HSD17B4: variants seen among roughly 807,000 people sequenced by gnomAD.
HSD17B4 encodes the protein peroxisomal multifunctional enzyme type 2.
In HSD17B4, 70 loss-of-function variants were observed where a neutral mutation model predicts 101.0. The ratio of observed to expected loss-of-function variants is 0.69; its 90% CI spans 0.57 to 0.85. HSD17B4 has a LOEUF of 0.85. Ranked by LOEUF, HSD17B4 falls within the 40% of genes least tolerant of loss-of-function variation. The pLI is 0.00. For synonymous variants in HSD17B4, 347 were observed against 297.1 expected, an observed-to-expected ratio of 1.17 and a Z score of -1.73; for missense variants, 984 against 892.4, an observed-to-expected ratio of 1.10 and a Z score of -1.31.
intron 1 of HSD17B4, among the ~76,000 whole-genome samples, chr5:119,454,153 AATTT>A (rs1214634398): frequency 2.0e-5 from 3 of 152,192 alleles, no homozygotes; most frequent in African/African-American, 7.2e-5. Context: ...TGCATCCTGA[AATTT>A]ATTTTCTATT....
At chr5:119,489,123 A>T (rs993851169) in intron 8 of HSD17B4, 69 bp from the exon 9 acceptor site, 52 of 1,074,150 alleles carry the variant, frequency 4.8e-5, no homozygotes, top group Middle Eastern at 4.0e-4. Flanking sequence ...AATTACCTAT[A>T]ATTTTATAAG....
intron 8 of HSD17B4, among the ~76,000 whole-genome samples, chr5:119,484,521 T>TAA (rs1482139421): frequency 2.6e-5 from 4 of 152,190 alleles, no homozygotes; most frequent in African/African-American, 9.6e-5. Flanking sequence ...AATATATATA[T>TAA]AATAGTTGAC....
At chr5:119,490,809 C>T (rs1561455359) in intron 9 of HSD17B4, among the ~76,000 whole-genome samples, 2 of 152,166 alleles carry the variant, frequency 1.3e-5, no homozygotes, top group East Asian at 1.9e-4. Flanking sequence ...CTCAAATAAT[C>T]TGCCCGCCTT....
Position 119,506,848 on chromosome 5 carries a change from A to G in HSD17B4, c.1292A>G (p.Asp431Gly). The G allele has an allele frequency of 6.3e-7, 1 of 1,585,366 alleles. No individual in the cohort carries two copies. The change falls in exon 15 of 24, where the codon GAT (aspartate) becomes GGT (glycine). Residue 431 changes from aspartate (D) to glycine (G), a missense_variant. Asp to Gly is a moderately conservative substitution (Grantham distance 94). Transcript: ENST00000510025. ...TTAAAATGTGAAGCAGTTGTTGCTG[A>G]TGTCCTAGATAAAGGATCCGGTGTA... ...GKLKCEAVVA[D>G]VLDKGSGVVI...
intron 22 of HSD17B4, among the ~76,000 whole-genome samples, chr5:119,534,548 A>G (rs888582439): frequency 6.6e-6 from 1 of 152,084 alleles, no homozygotes; most frequent in Admixed American, 6.6e-5. Flanking sequence ...CCATGTGATC[A>G]TTAAAACCTC....
chr5:119,493,820 C>T lies in HSD17B4; in HGVS notation c.742C>T (p.Arg248Cys), dbSNP rs969485098. ...EVGAGWIGKL[R>C]WERTLGAIVR... is the part of the protein sequence containing the mutation. ...GTTAGTTTTGTTTCTATAACCAGTA[C>T]GCTGGGAGCGGACTCTTGGAGCTAT... The change falls in exon 11 of 24, where the codon CGC becomes TGC. Residue 248 changes from arginine to cysteine, a missense_variant and splice_region_variant. Physicochemically the swap from Arg to Cys is radical, Grantham distance 180 (BLOSUM62 -3). Coordinates refer to ENST00000510025, the MANE Select transcript of HSD17B4 (RefSeq NM_000414.4). 6 of 1,612,514 alleles carry T rather than the reference C, an allele frequency of 3.7e-6. No homozygotes were observed. The highest frequency in any genetic ancestry group is 1.7e-5 in the Admixed American group (1 of 59,912).
Position 119,478,914 on chromosome 5 carries a change from T to A in HSD17B4, c.515T>A (p.Leu172Gln), listed in dbSNP as rs1038445943. 5 of 1,613,622 alleles carry A rather than the reference T, an allele frequency of 3.1e-6. No homozygotes were observed. In the African/African-American group the frequency reaches 5.3e-5, roughly 17 times the overall value. Residue 172 changes from leucine to glutamine, a missense_variant, in exon 8 of 24, where the codon CTG becomes CAG. Coordinates refer to ENST00000510025, the MANE Select transcript of HSD17B4 (RefSeq NM_000414.4). The part of the protein sequence containing the change: ...ANYSAAKLGL[L>Q]GLANSLAIEG... ...TATAGTGCTGCAAAGTTGGGTCTTCTGGGCCTTGCAAATTCTCTTGCAATT... is the reference window on the plus strand; with the variant it reads ...TATAGTGCTGCAAAGTTGGGTCTTCAGGGCCTTGCAAATTCTCTTGCAATT...
At chr5:119,466,207 A>G (rs1176237255) in intron 2 of HSD17B4, among the ~76,000 whole-genome samples, 3 of 152,022 alleles carry the variant, frequency 2.0e-5, no homozygotes, top group Admixed American at 1.3e-4. Flanking sequence ...GTTTGCTAGT[A>G]TTTTGTTTAG....
intron 17 of HSD17B4, among the ~76,000 whole-genome samples, chr5:119,519,212 C>CA (rs1456555019): frequency 1.3e-5 from 2 of 152,102 alleles, no homozygotes; most frequent in African/African-American, 2.4e-5. Flanking sequence ...TATTAATAGA[C>CA]AGACAATTCC....
chr5:119,514,773 C>CA, intron 16 of HSD17B4, among the ~76,000 whole-genome samples: 1 of 152,054 alleles, frequency 6.6e-6, no homozygotes, highest in East Asian at 1.9e-4. Flanking sequence ...TTAGAAAGGT[C>CA]ATTTCAGGCA....
chr5:119,493,982 GAAT>G, intron 11 of HSD17B4, 36 bp downstream of exon 11: 1 of 1,609,906 alleles, frequency 6.2e-7, no homozygotes, highest in Non-Finnish European at 8.5e-7. Flanking sequence ...CCTGGTTGGG[GAAT>G]CAGAGGCAGC....
In HSD17B4 at chr5:119,478,879, C is replaced by T. The variant is rs778048565; in HGVS notation, c.480C>T (p.Gly160=). Reference sequence around the variant, plus strand: ...CTTCAGGAATATATGGCAACTTTGGCCAGGCCAATTATAGTGCTGCAAAGT... The same window carrying T: ...CTTCAGGAATATATGGCAACTTTGGTCAGGCCAATTATAGTGCTGCAAAGT... ...SSASGIYGNF[G]QANYSAAKLG... is the part of the protein sequence containing the mutation. Residue 160 remains glycine (G), a synonymous_variant, in exon 8 of 24, where the codon GGC becomes GGT. Transcript: ENST00000510025. The T allele has an allele frequency of 6.2e-7, 1 of 1,613,572 alleles. No individual in the cohort carries two copies. The highest frequency in any genetic ancestry group is 1.1e-5 in the South Asian group (1 of 91,074).
chr5:119,489,233 G>A lies in HSD17B4; in HGVS notation c.664G>A (p.Val222Ile), dbSNP rs780224937. 5 of 1,612,758 alleles carry A rather than the reference G, an allele frequency of 3.1e-6. No individual in the cohort carries two copies. The highest frequency in any genetic ancestry group is 4.5e-5 in the East Asian group (2 of 44,798). ...GAAGCCAGAGTATGTGGCACCTCTT[G>A]TCCTTTGGCTTTGTCACGAGAGTTG... Reference protein sequence around the residue: ...ALKPEYVAPLVLWLCHESCEE... With the variant: ...ALKPEYVAPLILWLCHESCEE... Residue 222 changes from valine (V) to isoleucine (I), a missense_variant, in exon 9 of 24, where the codon GTC (valine) becomes ATC (isoleucine). Coordinates refer to ENST00000510025, the MANE Select transcript of HSD17B4 (RefSeq NM_000414.4).
intron 23 of HSD17B4, among the ~76,000 whole-genome samples, chr5:119,541,634 G>A (rs1373341559): frequency 6.6e-6 from 1 of 152,068 alleles, no homozygotes; most frequent in Non-Finnish European, 1.5e-5. Flanking sequence ...AGCCAGAAAC[G>A]TAGGTTGAAA....
intron 10 of HSD17B4, chr5:119,492,403 A>G (rs1461820656): frequency 2.1e-5 from 9 of 418,972 alleles, no homozygotes; most frequent in Non-Finnish European, 3.0e-5. Flanking sequence ...TTCAGACAGC[A>G]TATATTGATA....
intron 22 of HSD17B4, chr5:119,536,217 A>G (rs1413623003): frequency 9.8e-6 from 5 of 510,648 alleles, no homozygotes; most frequent in South Asian, 2.1e-5. Context: ...CCACTTCTTT[A>G]CCTCAAATTT....
In HSD17B4 at chr5:119,509,157, GA is replaced by G. The variant is rs1751933402; in HGVS notation, c.1352del (p.Lys451ArgfsTer30). 6.3e-7 allele frequency: 1 copy of G among 1,584,524 alleles called. No individual in the cohort carries two copies. The highest frequency in any genetic ancestry group is 8.7e-7 in the Non-Finnish European group (1 of 1,153,338). On this transcript the variant is annotated frameshift_variant, in exon 16 of 24. Transcript: ENST00000510025. LOFTEE classifies it high-confidence loss of function. ...IIMDVYSYSE[K>X]ELICHNQFSL... ...ACTTTTCAGTCTATTCTTATTCTGA[GA>G]AGGAACTTATATGCCACAATCAGTT... is the stretch of plus-strand genomic sequence containing the variant.
At chr5:119,461,010 G>A (rs1394370299) in intron 2 of HSD17B4, among the ~76,000 whole-genome samples, 1 of 152,120 alleles carries the variant, frequency 6.6e-6, no homozygotes, top group African/African-American at 2.4e-5. Context: ...GGTCATAAGG[G>A]AGACAAAAGT....
chr5:119,472,019 T>C (rs1314471269), intron 2 of HSD17B4, among the ~76,000 whole-genome samples: 2 of 152,176 alleles, frequency 1.3e-5, no homozygotes, highest in Non-Finnish European at 2.9e-5. Context: ...AATATATAAT[T>C]GGATATAGGG....
Sources: gnomAD v4.1 joint callset for allele counts (sites outside exome capture counted in the v4.1 genomes callset) on GRCh38, gnomAD v4.1.1 for gene constraint, MANE v1.5 for transcripts, NCBI Gene and HGNC (gene_info 2026-07-23, HGNC 2026-07-21) for gene names.